Variants in PASK observed in about 807,000 individuals in gnomAD.
The protein encoded by PASK is PAS domain-containing serine/threonine-protein kinase.
In PASK, 110 loss-of-function variants were observed where a neutral mutation model predicts 121.0. The observed-to-expected ratio is 0.91, with a 90% confidence interval of 0.78 to 1.06. The LOEUF is 1.06. Ranked by LOEUF, PASK falls within the 50% of genes least tolerant of loss-of-function variation. The pLI is 0.00. For missense variants in PASK, 1,643 were observed against 1,702.3 expected (o/e 0.97, Z 0.61); for synonymous variants, 686 against 717.8 (o/e 0.96, Z 0.71).
At chr2:241,107,634 G>T in intron 16 of PASK, 135 bp from the exon 17 acceptor site, 1 of 796,088 alleles carries the variant, frequency 1.3e-6, no homozygotes. Context: ...TCTAGTGCAG[G>T]GCCCAGCTGT....
At chr2:241,109,642 T>C (rs954271969) in intron 15 of PASK, 1 of 152,050 alleles carries the variant, frequency 6.6e-6, no homozygotes, top group African/African-American at 2.4e-5. Context: ...GTCAGCAGGG[T>C]GGTGGGGTGG....
chr2:241,130,911 G>A (rs73011829), intron 9 of PASK, among the ~76,000 whole-genome samples: 6,674 of 152,246 alleles, frequency 0.044, 206 homozygotes, highest in Non-Finnish European at 0.062. Flanking sequence ...AATCCCAGCC[G>A]TGCTCAGGGA....
chr2:241,133,139 C>A (rs1005616082), intron 8 of PASK, 109 bp from the exon 9 acceptor site: 103 of 1,124,220 alleles, frequency 9.2e-5, no homozygotes, highest in Middle Eastern at 8.1e-4. Context: ...TGACCAGCAT[C>A]GACCACCTCT....
At chr2:241,135,365 T>C (rs1442417179) in intron 8 of PASK, among the ~76,000 whole-genome samples, 4 of 151,984 alleles carry the variant, frequency 2.6e-5, no homozygotes, top group Non-Finnish European at 5.9e-5. Flanking sequence ...AGCCCACCCG[T>C]GGAACGCAGG....
chr2:241,127,269 G>C lies in PASK; in HGVS notation c.1646C>G (p.Ser549Cys). 6.2e-7 allele frequency: 1 copy of C among 1,614,234 alleles called. No individual in the cohort carries two copies. Among genetic ancestry groups the C allele is most frequent in the Admixed American group, 1.7e-5 (1 of 60,026 alleles). Reference sequence around the variant, plus strand: ...ATCCTCAGCTGGGACTGGAGCTTCAGAATCTTCGCAGGAAGCAAATGGCTT... The same window carrying C: ...ATCCTCAGCTGGGACTGGAGCTTCACAATCTTCGCAGGAAGCAAATGGCTT... The part of the protein sequence containing the change: ...DVKPFASCED[S>C]EAPVPAEDGG... Residue 549 changes from serine (S) to cysteine (C), a missense_variant, in exon 10 of 18, where the codon TCT becomes TGT. Physicochemically the swap from Ser to Cys is moderately radical, Grantham distance 112. Coordinates refer to ENST00000234040, the MANE Select transcript of PASK (RefSeq NM_015148.4).
chr2:241,112,183 C>A lies in PASK; in HGVS notation c.3533+57G>T. The A allele has an allele frequency of 7.3e-7, 1 of 1,361,888 alleles. No individual in the cohort carries two copies. Among genetic ancestry groups the A allele is most frequent in the Non-Finnish European group, 1.1e-6 (1 of 950,654 alleles). 84.4% of individuals were successfully genotyped at this position (1,361,888 alleles called of 1,614,324 possible). A position where few individuals can be genotyped will look rare whatever the true frequency, so the allele number is the denominator to read the frequency against. ...CATTTTCCCACCCAAAATCAAGCCA[C>A]CCTCAGGGTCCTGACAGAGGACACG... On this transcript the variant is annotated intron_variant, in intron 15 of 17. Coordinates refer to ENST00000234040, the MANE Select transcript of PASK (RefSeq NM_015148.4). The surrounding 1 kb of genome is among the most constrained non-coding windows in gnomAD (Gnocchi z 5.2).
At chr2:241,127,703 C>A in intron 9 of PASK, 1 of 486,994 alleles carries the variant, frequency 2.1e-6, no homozygotes, top group Non-Finnish European at 3.8e-6. Flanking sequence ...TACAGGAGAA[C>A]TTGCCAATGC....
intron 4 of PASK, chr2:241,139,545 A>G (rs2066601333): frequency 3.6e-6 from 2 of 549,460 alleles, no homozygotes; most frequent in Middle Eastern, 2.8e-4. Flanking sequence ...CAATAAAACC[A>G]TATTACTCTT....
intron 1 of PASK, among the ~76,000 whole-genome samples, chr2:241,144,615 G>A (rs913006517): frequency 2.6e-5 from 4 of 152,170 alleles, no homozygotes; most frequent in Admixed American, 2.0e-4. Context: ...CTCCCACACT[G>A]GCACACCTAT....
intron 1 of PASK, among the ~76,000 whole-genome samples, chr2:241,148,536 A>G (rs1460039994): frequency 6.6e-6 from 1 of 152,216 alleles, no homozygotes; most frequent in Non-Finnish European, 1.5e-5. Context: ...TTCAGTACCC[A>G]GAAGAGTAGG....
At position 241,127,441 on chromosome 2, in the gene PASK, C is replaced by T; in HGVS notation, c.1474G>A (p.Val492Ile). 6.2e-7 allele frequency: 1 copy of T among 1,613,868 alleles called. No homozygotes were observed. Among genetic ancestry groups the T allele is most frequent in the Non-Finnish European group, 8.5e-7 (1 of 1,179,770 alleles). Reference protein sequence around the residue: ...SPQPAPGVDNVPEGSLPVHGE... With the variant: ...SPQPAPGVDNIPEGSLPVHGE... ...TGCACTGGCAGGCTTCCTTCTGGGA[C>T]ATTGTCCACCCTGGGGATAATGACA... Residue 492 changes from valine to isoleucine, a missense_variant, in exon 10 of 18, where the codon GTC becomes ATC. Coordinates refer to ENST00000234040, the MANE Select transcript of PASK (RefSeq NM_015148.4).
rs2065870748 is a variant in PASK, at chr2:241,126,504, C to T, written c.2411G>A (p.Cys804Tyr). The change falls in exon 10 of 18, where the codon TGT becomes TAT. Residue 804 changes from cysteine (C) to tyrosine (Y), a missense_variant. Transcript: ENST00000234040. ...DRELLLLTGT[C>Y]VDLGQGRRFR... ...CCGTCGGCCTTGGCCAAGGTCAACA[C>T]AGGTGCCGGTCAGTAGTAACAGCTC... is the stretch of plus-strand genomic sequence containing the variant. 1.2e-6 allele frequency: 2 copies of T among 1,614,150 alleles called. No individual in the cohort carries two copies. Among genetic ancestry groups the T allele is most frequent in the Admixed American group, 3.3e-5 (2 of 60,016 alleles).
At chr2:241,111,567 CA>C (rs1248262233) in intron 15 of PASK, among the ~76,000 whole-genome samples, 1 of 152,222 alleles carries the variant, frequency 6.6e-6, no homozygotes, top group African/African-American at 2.4e-5. Flanking sequence ...TCAGGCCCTA[CA>C]AATGAACCAC....
intron 6 of PASK, among the ~76,000 whole-genome samples, chr2:241,137,514 C>A (rs2066494139): frequency 6.6e-6 from 1 of 152,198 alleles, no homozygotes; most frequent in Non-Finnish European, 1.5e-5. Flanking sequence ...AAGTGAGACA[C>A]CCCAGTGAGG....
intron 9 of PASK, among the ~76,000 whole-genome samples, chr2:241,131,329 T>G (rs1038915150): frequency 2.0e-5 from 3 of 152,010 alleles, no homozygotes; most frequent in Non-Finnish European, 4.4e-5. Context: ...TTTGTATTTT[T>G]AGTAGAGACG....
chr2:241,147,500 A>C (rs982198084), intron 1 of PASK, among the ~76,000 whole-genome samples: 1 of 152,176 alleles, frequency 6.6e-6, no homozygotes, highest in African/African-American at 2.4e-5. Context: ...ACATGCTGGT[A>C]GTCCCAGCTG....
intron 9 of PASK, among the ~76,000 whole-genome samples, chr2:241,129,290 A>G (rs2066019161): frequency 6.6e-6 from 1 of 152,146 alleles, no homozygotes; most frequent in Non-Finnish European, 1.5e-5. Flanking sequence ...TTGGGGCCTT[A>G]GCGGGCTGCT....
intron 11 of PASK, 35 bp from the exon 12 acceptor site, chr2:241,122,934 C>T (rs2065683259): frequency 6.2e-7 from 1 of 1,607,532 alleles, no homozygotes; most frequent in African/African-American, 1.3e-5. Flanking sequence ...GGGTCACATG[C>T]AACTGCACCG....
chr2:241,110,963 G>C (rs1436745001), intron 15 of PASK, among the ~76,000 whole-genome samples: 3 of 152,242 alleles, frequency 2.0e-5, no homozygotes, highest in South Asian at 2.1e-4. Context: ...TCTGCACACA[G>C]GGCATCCAGG....
Sources: gnomAD v4.1 joint callset for allele counts (sites outside exome capture counted in the v4.1 genomes callset) on GRCh38, gnomAD v4.1.1 for gene constraint, Gnocchi (gnomAD v3.1) non-coding constraint, MANE v1.5 for transcripts, NCBI Gene and HGNC (gene_info 2026-07-23, HGNC 2026-07-21) for gene names.